ERP29: variants seen among roughly 807,000 people sequenced by gnomAD.
ERP29 encodes the protein endoplasmic reticulum resident protein 29.
A neutral mutation model predicts 21.7 loss-of-function variants in ERP29; 14 were observed. The observed-to-expected ratio is 0.64, with a 90% CI of 0.43 to 1.01. The LOEUF (loss-of-function observed/expected upper bound fraction) is 1.01. Among genes scored for constraint, ERP29 ranks in the 50% least tolerant of loss-of-function variants. The pLI, the probability that ERP29 is intolerant of heterozygous loss-of-function variation, is 0.00. For synonymous variants in ERP29, 129 were observed against 139.1 expected (o/e 0.93, Z 0.51); for missense variants, 286 against 327.3 (o/e 0.87, Z 0.97).
At position 112,019,810 on chromosome 12, in the gene ERP29, G is replaced by C. The variant is rs879118935; in HGVS notation, c.199G>C (p.Gly67Arg). 1.2e-6 allele frequency: 2 copies of C among 1,614,046 alleles called. No homozygotes were observed. The highest frequency in any genetic ancestry group is 1.7e-6 in the Non-Finnish European group (2 of 1,180,020). Residue 67 changes from glycine (G) to arginine (R), a missense_variant, in exon 2 of 3, where the codon GGT becomes CGT. Gly to Arg is a moderately radical substitution (Grantham distance 125). Transcript: ENST00000261735. ...LVKFDTQYPYGEKQDEFKRLA... is the reference protein window; with the variant it reads ...LVKFDTQYPYREKQDEFKRLA... The stretch of plus-strand genomic sequence containing the variant: ...GAAGTTCGACACCCAGTACCCCTAC[G>C]GTGAGAAGCAGGATGAGTTCAAGCG...
Position 112,013,741 on chromosome 12 carries a change from G to A in ERP29, c.144+132G>A, listed in dbSNP as rs549678480. The A allele has an allele frequency of 3.4e-5, 33 of 984,370 alleles. No homozygotes were observed. In the African/African-American group the frequency reaches 4.8e-4, roughly 14 times the overall value. 61.0% of individuals were successfully genotyped at this position (984,370 alleles called of 1,614,324 possible). On this transcript the variant is annotated intron_variant, in intron 1 of 2. Coordinates refer to ENST00000261735, the MANE Select transcript of ERP29 (RefSeq NM_006817.4). ...AGCAACGGTCCCAGAGCTTCCCGGCGTCCTACAGGCCTAGTGGACTCTGAG... is the reference window on the plus strand; with the variant it reads ...AGCAACGGTCCCAGAGCTTCCCGGCATCCTACAGGCCTAGTGGACTCTGAG...
At chr12:112,019,983 T>C in intron 2 of ERP29, 89 bp downstream of exon 2, 1 of 1,503,146 alleles carries the variant, frequency 6.7e-7, no homozygotes, top group Non-Finnish European at 9.2e-7. Flanking sequence ...CCCAGCATCT[T>C]TCCTTCTGAG....
intron 2 of ERP29, among the ~76,000 whole-genome samples, chr12:112,021,754 C>G (rs2078047814): frequency 6.6e-6 from 1 of 151,756 alleles, no homozygotes; most frequent in African/African-American, 2.4e-5. Flanking sequence ...TCTTGAACTC[C>G]TGACCTCGTG....
At chr12:112,019,236 C>G (rs1430864418) in intron 1 of ERP29, 1 of 186,928 alleles carries the variant, frequency 5.3e-6, no homozygotes, top group East Asian at 1.4e-4. Flanking sequence ...AGGGAGAAGA[C>G]ATTGTCCCAA....
At chr12:112,017,223 A>G (rs10849994) in intron 1 of ERP29, among the ~76,000 whole-genome samples, 10,656 of 152,212 alleles carry the variant, frequency 0.07, 1,467 homozygotes, top group East Asian at 0.61. Flanking sequence ...GGCACTGTTG[A>G]GCACTAGGGA....
At chr12:112,017,370 GTATGATGAAAATGAAGCCATA>G (rs1387526385) in intron 1 of ERP29, among the ~76,000 whole-genome samples, 3 of 152,184 alleles carry the variant, frequency 2.0e-5, no homozygotes, top group Admixed American at 6.5e-5. Context: ...TGATAGCAGG[GTATGATGAAAATGAAGCCATA>G]TTAGATGGTC....
In ERP29 at chr12:112,022,257, C is replaced by A; in HGVS notation, c.391C>A (p.Pro131Thr). 3 of 1,613,332 alleles carry A rather than the reference C, an allele frequency of 1.9e-6. No individual in the cohort carries two copies. The highest frequency in any genetic ancestry group is 2.5e-6 in the Non-Finnish European group (3 of 1,179,566). Reference protein sequence around the residue: ...FRDGDFENPVPYTGAVKVGAI... With the variant: ...FRDGDFENPVTYTGAVKVGAI... ...GGATGGGGACTTTGAGAACCCAGTCCCATACACTGGGGCAGTTAAGGTTGG... is the reference window on the plus strand; with the variant it reads ...GGATGGGGACTTTGAGAACCCAGTCACATACACTGGGGCAGTTAAGGTTGG... The change falls in exon 3 of 3, where the codon CCA (proline) becomes ACA (threonine). Residue 131 changes from proline (P) to threonine (T), a missense_variant. Transcript: ENST00000261735.
Position 112,022,332 on chromosome 12 carries a change from G to C in ERP29, c.466G>C (p.Gly156Arg). ...GCAAGGGGTCTACCTAGGTATGCCT[G>C]GTTGCCTGCCTGTATACGACGCCCT... ...KGQGVYLGMPGCLPVYDALAG... is the reference protein window; with the variant it reads ...KGQGVYLGMPRCLPVYDALAG... The change falls in exon 3 of 3, where the codon GGT (glycine) becomes CGT (arginine). Residue 156 changes from glycine (G) to arginine (R), a missense_variant. Gly to Arg is a moderately radical substitution (Grantham distance 125). Coordinates refer to ENST00000261735, the MANE Select transcript of ERP29 (RefSeq NM_006817.4). 6.2e-7 allele frequency: 1 copy of C among 1,613,940 alleles called. No homozygotes were observed. The highest frequency in any genetic ancestry group is 1.1e-5 in the South Asian group (1 of 91,078).
intron 2 of ERP29, among the ~76,000 whole-genome samples, chr12:112,020,149 C>T (rs2078037282): frequency 6.6e-6 from 1 of 152,134 alleles, no homozygotes; most frequent in Admixed American, 6.5e-5. Flanking sequence ...TCACATTCCA[C>T]CCCTCTCTGA....
At chr12:112,018,241 G>A (rs1165389671) in intron 1 of ERP29, among the ~76,000 whole-genome samples, 3 of 151,904 alleles carry the variant, frequency 2.0e-5, no homozygotes, top group East Asian at 1.9e-4. Context: ...TAACTCCTAG[G>A]CACAAGTGAT....
intron 1 of ERP29, among the ~76,000 whole-genome samples, chr12:112,014,287 A>C (rs1227766060): frequency 1.3e-5 from 2 of 152,162 alleles, no homozygotes. Context: ...CTGTTACATC[A>C]GCTGCGGCAT....
At chr12:112,014,240 G>A (rs2136773735) in intron 1 of ERP29, among the ~76,000 whole-genome samples, 1 of 152,358 alleles carries the variant, frequency 6.6e-6, no homozygotes, top group South Asian at 2.1e-4. Flanking sequence ...GGAGGTGAGC[G>A]GCAGGCGAGC....
intron 1 of ERP29, among the ~76,000 whole-genome samples, chr12:112,017,906 T>G (rs1428940657): frequency 2.7e-5 from 4 of 148,144 alleles, no homozygotes; most frequent in Non-Finnish European, 4.4e-5. Flanking sequence ...TGCCTCAGCC[T>G]CCCGAGTAGA....
Position 112,023,380 on chromosome 12 carries a change from C to CCAT in ERP29, c.*730_*732dup, listed in dbSNP as rs1182062766. On this transcript the variant is annotated 3_prime_UTR_variant, in exon 3 of 3. Coordinates refer to ENST00000261735, the MANE Select transcript of ERP29 (RefSeq NM_006817.4). Reference sequence around the variant, plus strand: ...CGATTTCAAAATTAAAAAATATTTTCCATCTAAATCACTATCACTAAATAA... The same window carrying CCAT: ...CGATTTCAAAATTAAAAAATATTTTCCATCATCTAAATCACTATCACTAAATAA... The CCAT allele has an allele frequency of 6.6e-6, 1 of 152,198 alleles. No individual in the cohort carries two copies. The highest frequency in any genetic ancestry group is 1.5e-5 in the Non-Finnish European group (1 of 68,040). 9.4% of individuals were successfully genotyped at this position (152,198 alleles called of 1,614,324 possible). A position where few individuals can be genotyped will look rare whatever the true frequency, so the allele number is the denominator to read the frequency against.
Position 112,023,352 on chromosome 12 carries a change from G to T in ERP29, c.*700G>T, listed in dbSNP as rs554958075. On this transcript the variant is annotated 3_prime_UTR_variant, in exon 3 of 3. Transcript: ENST00000261735. ...TGGATTTACACAGCTAAATGATATA[G>T]TCCGATTTCAAAATTAAAAAATATT... 1 of 152,276 alleles carries T rather than the reference G, an allele frequency of 6.6e-6. No individual in the cohort carries two copies. Among genetic ancestry groups the T allele is most frequent in the Non-Finnish European group, 1.5e-5 (1 of 68,028 alleles). 9.4% of individuals were successfully genotyped at this position (152,276 alleles called of 1,614,324 possible). A position where few individuals can be genotyped will look rare whatever the true frequency, so the allele number is the denominator to read the frequency against.
chr12:112,022,152 T>G lies in ERP29; in HGVS notation c.286T>G (p.Tyr96Asp), dbSNP rs751793734. 5 of 1,613,852 alleles carry G rather than the reference T, an allele frequency of 3.1e-6. No homozygotes were observed. The highest frequency in any genetic ancestry group is 1.3e-5 in the African/African-American group (1 of 74,884). The change falls in exon 3 of 3, where the codon TAT becomes GAT. Residue 96 changes from tyrosine to aspartate, a missense_variant and splice_region_variant. Physicochemically the swap from Tyr to Asp is radical, Grantham distance 160. Transcript: ENST00000261735. ...LLVAEVGISD[Y>D]GDKLNMELSE... is the part of the protein sequence containing the mutation. Reference sequence around the variant, plus strand: ...TTGTGTCTGGTTTCTGCTCACAGATTATGGTGACAAGCTGAACATGGAGCT... The same window carrying G: ...TTGTGTCTGGTTTCTGCTCACAGATGATGGTGACAAGCTGAACATGGAGCT...
In ERP29 at chr12:112,022,495, T is replaced by C. The variant is rs370592993; in HGVS notation, c.629T>C (p.Leu210Ser). Reference protein sequence around the residue: ...EQYLKIMGKILDQGEDFPASE... With the variant: ...EQYLKIMGKISDQGEDFPASE... ...TACCTGAAGATCATGGGGAAGATCT[T>C]AGACCAAGGGGAGGACTTCCCAGCA... The change falls in exon 3 of 3, where the codon TTA (leucine) becomes TCA (serine). Residue 210 changes from leucine (L) to serine (S), a missense_variant. By Grantham distance (145) the Leu-to-Ser change is moderately radical. Coordinates refer to ENST00000261735, the MANE Select transcript of ERP29 (RefSeq NM_006817.4). The C allele has an allele frequency of 2.2e-5, 35 of 1,614,004 alleles. No individual in the cohort carries two copies. The highest frequency in any genetic ancestry group is 2.7e-5 in the Non-Finnish European group (32 of 1,180,010).
chr12:112,020,250 T>C (rs571892122), intron 2 of ERP29, among the ~76,000 whole-genome samples: 1 of 152,210 alleles, frequency 6.6e-6, no homozygotes, highest in East Asian at 1.9e-4. Flanking sequence ...AGTCAGTTCT[T>C]CTGTCTTCAT....
At chr12:112,017,349 CAGCAGGGTAATGAT>C (rs1333159715) in intron 1 of ERP29, among the ~76,000 whole-genome samples, 1 of 152,092 alleles carries the variant, frequency 6.6e-6, no homozygotes, top group Admixed American at 6.5e-5. Flanking sequence ...GAAGAAAATA[CAGCAGGGTAATGAT>C]AGCAGGGTAT....
Sources: allele counts gnomAD v4.1 joint callset (sites outside exome capture counted in the v4.1 genomes callset), GRCh38; gene constraint gnomAD v4.1.1; transcripts MANE v1.5; gene names NCBI Gene and HGNC (gene_info 2026-07-23, HGNC 2026-07-21).